HEATR4: variants seen among roughly 807,000 people sequenced by gnomAD.
HEATR4 encodes the protein HEAT repeat-containing protein 4.
HEATR4 carries 95 observed loss-of-function variants against 108.8 expected under a neutral mutation model. The observed-to-expected ratio is 0.87, with a 90% confidence interval of 0.74 to 1.04. The LOEUF is 1.04. HEATR4 is among the 50% of genes least tolerant of loss of function. The pLI, the probability that HEATR4 is intolerant of heterozygous loss-of-function variation, is 0.00. For synonymous variants in HEATR4, 443 were observed against 459.4 expected, an observed-to-expected ratio of 0.96 and a Z score of 0.46; for missense variants, 1,152 against 1,253.8, an observed-to-expected ratio of 0.92 and a Z score of 1.23.
intron 12 of HEATR4, among the ~76,000 whole-genome samples, chr14:73,499,528 G>A (rs1047878696): frequency 1.3e-5 from 2 of 151,896 alleles, no homozygotes; most frequent in South Asian, 2.1e-4. Flanking sequence ...CAGAAACAGG[G>A]AAACCACTTA....
the HEATR4 span, chr14:73,595,863 T>C: frequency 2.1e-6 from 1 of 474,098 alleles, no homozygotes; most frequent in Non-Finnish European, 3.4e-6. Flanking sequence ...ATGACACATA[T>C]AAGTGAAAAA....
chr14:73,629,894 T>A, the HEATR4 span, among the ~76,000 whole-genome samples: 1 of 151,696 alleles, frequency 6.6e-6, no homozygotes. Context: ...AGATCCGCCC[T>A]CCTCGGCCTC....
intron 14 of HEATR4, among the ~76,000 whole-genome samples, chr14:73,497,881 C>T (rs1412350199): frequency 6.6e-6 from 1 of 152,230 alleles, no homozygotes; most frequent in African/African-American, 2.4e-5. Context: ...CTGCCTCAGC[C>T]TCCCAAAGTG....
At chr14:73,561,898 T>G (rs1281260330), upstream of HEATR4, among the ~76,000 whole-genome samples, 1 of 152,004 alleles carries the variant, frequency 6.6e-6, no homozygotes. Flanking sequence ...GATGGGAGGA[T>G]TGCTTGCACC....
chr14:73,532,301 GATT>G lies in HEATR4; in HGVS notation c.-151-2060_-151-2058del, dbSNP rs1437712712. Among the ~76,000 whole-genome samples the G allele has an allele frequency of 1.7e-5, 2 of 115,684 alleles. 1 individual carries two copies. Among genetic ancestry groups the G allele is most frequent in the Non-Finnish European group, 3.8e-5 (2 of 53,036 alleles). 75.9% of individuals were successfully genotyped at this position (115,684 alleles called of 152,430 possible). A position where few individuals can be genotyped will look rare whatever the true frequency, so the allele number is the denominator to read the frequency against. On this transcript the variant is annotated intron_variant, in intron 1 of 17. Coordinates refer to ENST00000553558, the MANE Select transcript of HEATR4 (RefSeq NM_001220484.1). ...TTCCCTGATCTCCAAATCCTGGCTA[GATT>G]ATTAGCCATTAACACTAGCTTTTAC...
chr14:73,573,543 C>A, the HEATR4 span: 624 of 1,613,668 alleles, frequency 3.9e-4, 16 homozygotes, highest in Non-Finnish European at 5.2e-4. Flanking sequence ...GACGCTCCAT[C>A]TGGAGTACTT....
chr14:73,550,323 G>T (rs527990497), intron 1 of HEATR4, among the ~76,000 whole-genome samples: 7,145 of 108,608 alleles, frequency 0.066, 1,204 homozygotes, highest in African/African-American at 0.19. Flanking sequence ...TTGTCATTGC[G>T]CTCATTCAAG....
intron 6 of HEATR4, among the ~76,000 whole-genome samples, chr14:73,512,487 A>G (rs886951096): frequency 2.0e-5 from 3 of 152,206 alleles, no homozygotes; most frequent in Non-Finnish European, 2.9e-5. Context: ...CTGGTTTGGG[A>G]TCACAGTTAT....
At chr14:73,622,341 T>C in the HEATR4 span, among the ~76,000 whole-genome samples, 1 of 152,136 alleles carries the variant, frequency 6.6e-6, no homozygotes, top group Admixed American at 6.6e-5. Context: ...AGAAATGGCA[T>C]ACACTGACTG....
At chr14:73,489,268 A>G (rs1197586766) in intron 17 of HEATR4, among the ~76,000 whole-genome samples, 1 of 152,130 alleles carries the variant, frequency 6.6e-6, no homozygotes, top group Non-Finnish European at 1.5e-5. Flanking sequence ...TATGGAGACA[A>G]TATCACCCCC....
chr14:73,485,403 ATT>A (rs35289379), intron 17 of HEATR4, among the ~76,000 whole-genome samples: 2 of 140,438 alleles, frequency 1.4e-5, no homozygotes, highest in East Asian at 2.1e-4. Context: ...ACATGGGTGA[ATT>A]TTTTTTTTTT....
intron 2 of HEATR4, among the ~76,000 whole-genome samples, chr14:73,525,036 TG>T (rs1403437452): frequency 6.6e-6 from 1 of 152,174 alleles, no homozygotes; most frequent in Non-Finnish European, 1.5e-5. Context: ...TCTTTTGTTT[TG>T]TTTTTTTGAG....
the HEATR4 span, among the ~76,000 whole-genome samples, chr14:73,588,476 G>C: frequency 6.6e-6 from 1 of 152,148 alleles, no homozygotes; most frequent in Non-Finnish European, 1.5e-5. Context: ...ATGGGTTCTA[G>C]GGAATGCTAA....
At chr14:73,533,873 C>G (rs1888782999) in intron 1 of HEATR4, among the ~76,000 whole-genome samples, 1 of 68,942 alleles carries the variant, frequency 1.5e-5, no homozygotes, top group South Asian at 5.2e-4. Context: ...ATAGCAAGAC[C>G]CTGTCTCTAA....
the HEATR4 span, among the ~76,000 whole-genome samples, chr14:73,608,293 A>ACG: frequency 6.6e-6 from 1 of 152,148 alleles, no homozygotes; most frequent in East Asian, 1.9e-4. Context: ...TTCCTCTTGA[A>ACG]CGCTTTGCTG....
At position 73,522,561 on chromosome 14, in the gene HEATR4, C is replaced by T. The variant is rs369260628; in HGVS notation, c.592G>A (p.Glu198Lys). ...REAWLLPPEK[E>K]ARAWEATVLE... ...ACAGTGGCCTCCCACGCTCTGGCCT[C>T]CTTCTCAGGAGGCAGAAGCCAGGCT... is the stretch of plus-strand genomic sequence containing the variant. The change falls in exon 3 of 18, where the codon GAG becomes AAG. Residue 198 changes from glutamate (E) to lysine (K), a missense_variant. Transcript: ENST00000553558. The T allele has an allele frequency of 6.2e-6, 10 of 1,614,072 alleles. No homozygotes were observed. The highest frequency in any genetic ancestry group is 8.5e-6 in the Non-Finnish European group (10 of 1,180,024).
In HEATR4 at chr14:73,492,950, G is replaced by A; in HGVS notation, c.2844+116C>T. ...GCCTCTAGCCCTAAATTAGTTTCTTGTTGATTGCTGGAAACAAGGCAGTAG... is the reference window on the plus strand; with the variant it reads ...GCCTCTAGCCCTAAATTAGTTTCTTATTGATTGCTGGAAACAAGGCAGTAG... On this transcript the variant is annotated intron_variant, in intron 17 of 17. Transcript: ENST00000553558. This position sits in a 1 kb window ranked among gnomAD's most constrained non-coding sequence, Gnocchi z 4.9. The A allele has an allele frequency of 6.2e-7, 1 of 1,609,096 alleles. No homozygotes were observed. The highest frequency in any genetic ancestry group is 2.2e-5 in the East Asian group (1 of 44,708).
the HEATR4 span, among the ~76,000 whole-genome samples, chr14:73,584,056 A>C: frequency 6.6e-6 from 1 of 151,888 alleles, no homozygotes; most frequent in African/African-American, 2.4e-5. Context: ...ACTCCACTGG[A>C]AAAGGGAAGA....
intron 4 of HEATR4, 46 bp downstream of exon 4, chr14:73,520,806 G>A (rs1458779512): frequency 8.4e-6 from 13 of 1,539,324 alleles, no homozygotes; most frequent in Non-Finnish European, 9.8e-6. Flanking sequence ...CACCTTCCTG[G>A]CCCATGTCCC....
Sources: allele counts gnomAD v4.1 joint callset (sites outside exome capture counted in the v4.1 genomes callset), GRCh38; gene constraint gnomAD v4.1.1; non-coding constraint Gnocchi (gnomAD v3.1); transcripts MANE v1.5; gene names NCBI Gene and HGNC (gene_info 2026-07-23, HGNC 2026-07-21).